Variants in NRG3 observed in about 807,000 individuals in gnomAD.
NRG3 encodes neuregulin 3.
In NRG3, 31 loss-of-function variants were observed where a neutral mutation model predicts 66.9. That is an observed-to-expected ratio of 0.46 (90% CI 0.35 to 0.63). The LOEUF (loss-of-function observed/expected upper bound fraction) is 0.63. NRG3 is among the 20% of genes least tolerant of loss of function. NRG3 has a pLI of 0.00. For missense variants in NRG3, 910 were observed against 878.9 expected (o/e 1.04, Z -0.45); for synonymous variants, 393 against 359.4 (o/e 1.09, Z -1.06).
intron 1 of NRG3, among the ~76,000 whole-genome samples, chr10:82,152,851 TTTC>T (rs1270688460): frequency 4.2e-5 from 6 of 143,654 alleles, no homozygotes; most frequent in Admixed American, 6.7e-5. Flanking sequence ...TCTTTCTTTC[TTTC>T]TTTTCTTTCT....
intron 3 of NRG3, among the ~76,000 whole-genome samples, chr10:82,740,561 G>A (rs1000176828): frequency 2.0e-5 from 3 of 152,026 alleles, no homozygotes; most frequent in Non-Finnish European, 4.4e-5. Context: ...AGCCAGGCAC[G>A]GTGGTTCATG....
chr10:82,069,959 CTTCAGAGAT>C (rs2064709936), intron 1 of NRG3, among the ~76,000 whole-genome samples: 1 of 152,208 alleles, frequency 6.6e-6, no homozygotes, highest in South Asian at 2.1e-4. Flanking sequence ...TCATGTGATG[CTTCAGAGAT>C]TTTTCTACTG....
At chr10:82,862,170 CG>C (rs1167307466) in intron 3 of NRG3, among the ~76,000 whole-genome samples, 1 of 152,146 alleles carries the variant, frequency 6.6e-6, no homozygotes, top group Non-Finnish European at 1.5e-5. Context: ...GCAAGATAAG[CG>C]GTCCTACCGA....
chr10:82,787,035 A>T (rs1484363962), intron 3 of NRG3, among the ~76,000 whole-genome samples: 2 of 152,176 alleles, frequency 1.3e-5, no homozygotes, highest in African/African-American at 4.8e-5. Flanking sequence ...ACCCAGTCTC[A>T]AATTTTCTGT....
intron 1 of NRG3, among the ~76,000 whole-genome samples, chr10:82,197,964 G>A (rs2074534677): frequency 1.3e-5 from 2 of 151,962 alleles, no homozygotes; most frequent in Admixed American, 1.3e-4. Flanking sequence ...AGAATATTAT[G>A]GTGACATAGT....
chr10:82,880,101 G>T (rs1309383922), intron 4 of NRG3, among the ~76,000 whole-genome samples: 2 of 151,168 alleles, frequency 1.3e-5, no homozygotes, highest in African/African-American at 4.9e-5. Flanking sequence ...GAGAATGAAT[G>T]TTCACTATTA....
chr10:82,449,493 T>C (rs955015690), intron 2 of NRG3, among the ~76,000 whole-genome samples: 3 of 152,162 alleles, frequency 2.0e-5, no homozygotes, highest in African/African-American at 7.2e-5. Context: ...GCTTCTGAGA[T>C]TGCTGTAGGT....
chr10:82,066,826 T>A (rs1332770700), intron 1 of NRG3, among the ~76,000 whole-genome samples: 1 of 152,174 alleles, frequency 6.6e-6, no homozygotes, highest in Non-Finnish European at 1.5e-5. Flanking sequence ...CTATTCTTTT[T>A]TTTTTGAGTC....
intron 3 of NRG3, among the ~76,000 whole-genome samples, chr10:82,821,907 G>T (rs2061969108): frequency 6.6e-6 from 1 of 152,080 alleles, no homozygotes; most frequent in Admixed American, 6.5e-5. Context: ...TCTGAATATG[G>T]TGGAAAGGTT....
At chr10:82,359,864 G>A (rs1006481802) in intron 2 of NRG3, among the ~76,000 whole-genome samples, 4 of 152,118 alleles carry the variant, frequency 2.6e-5, no homozygotes, top group Admixed American at 2.0e-4. Context: ...GTAGAGAAAT[G>A]CATTGTATAG....
chr10:82,267,844 GC>G (rs2078384314), intron 1 of NRG3, among the ~76,000 whole-genome samples: 1 of 152,118 alleles, frequency 6.6e-6, no homozygotes, highest in Admixed American at 6.6e-5. Flanking sequence ...TTTGTGGTGG[GC>G]AGCAGGTCTT....
chr10:82,224,334 G>A (rs1206913344), intron 1 of NRG3: 1 of 152,078 alleles, frequency 6.6e-6, no homozygotes, highest in Non-Finnish European at 1.5e-5. Context: ...TCTTTGCCAG[G>A]TTATCTTCTG....
chr10:82,674,470 C>T (rs1466992214), intron 2 of NRG3, among the ~76,000 whole-genome samples: 2 of 151,970 alleles, frequency 1.3e-5, no homozygotes, highest in Non-Finnish European at 1.5e-5. Context: ...TTAGCTTTCC[C>T]GAGAGTCATA....
chr10:82,705,312 C>T (rs776849033), intron 2 of NRG3, among the ~76,000 whole-genome samples: 29 of 152,150 alleles, frequency 1.9e-4, no homozygotes, highest in Non-Finnish European at 2.1e-4. Flanking sequence ...GTCTGCTTTG[C>T]ATGTTAGACA....
At chr10:82,928,671 G>A (rs1847256048) in intron 4 of NRG3, among the ~76,000 whole-genome samples, 1 of 148,292 alleles carries the variant, frequency 6.7e-6, no homozygotes, top group Admixed American at 6.8e-5. Context: ...TCTAGGCTTT[G>A]TTGACTTTTA....
At chr10:82,106,748 C>T (rs1431204280) in intron 1 of NRG3, among the ~76,000 whole-genome samples, 3 of 151,990 alleles carry the variant, frequency 2.0e-5, no homozygotes, top group Non-Finnish European at 4.4e-5. Flanking sequence ...TCAAATGATC[C>T]GCCTGCCTCG....
intron 1 of NRG3, among the ~76,000 whole-genome samples, chr10:82,134,442 A>G (rs866069198): frequency 6.6e-6 from 1 of 152,120 alleles, no homozygotes; most frequent in Non-Finnish European, 1.5e-5. Context: ...GGTATATCGT[A>G]TAAGGAAAGG....
intron 3 of NRG3, among the ~76,000 whole-genome samples, chr10:82,779,927 T>G (rs1174271372): frequency 7.1e-6 from 1 of 141,332 alleles, no homozygotes; most frequent in Non-Finnish European, 1.5e-5. Flanking sequence ...TGTGTCCAAG[T>G]GTTCTCATTG....
At chr10:82,368,346 G>A (rs1261001163) in intron 2 of NRG3, among the ~76,000 whole-genome samples, 2 of 138,688 alleles carry the variant, frequency 1.4e-5, no homozygotes, top group Admixed American at 1.4e-4. Flanking sequence ...AAAGAGAACA[G>A]GCACAGATAC....
Sources: allele counts gnomAD v4.1 joint callset (sites outside exome capture counted in the v4.1 genomes callset), GRCh38; gene constraint gnomAD v4.1.1; transcripts MANE v1.5; gene names NCBI Gene and HGNC (gene_info 2026-07-23, HGNC 2026-07-21).